The following MATN2 variants were observed in gnomAD, a reference collection of about 807,000 sequenced individuals.
The protein encoded by MATN2 is matrilin 2.
MATN2 carries 69 observed loss-of-function variants against 103.2 expected under a neutral mutation model. The ratio of observed to expected loss-of-function variants is 0.67; its 90% CI spans 0.55 to 0.82. MATN2 has a LOEUF of 0.82. Ranked by LOEUF, MATN2 falls within the 40% of genes least tolerant of loss-of-function variation. The probability of loss-of-function intolerance (pLI) is 0.00; values close to 1 mark genes in which losing one functional copy is unlikely to be tolerated. For missense variants in MATN2, 1,023 were observed against 1,211.5 expected (o/e 0.84, Z 2.31); for synonymous variants, 429 against 450.2 (o/e 0.95, Z 0.60).
chr8:97,960,504 C>T (rs1404365766), intron 4 of MATN2, among the ~76,000 whole-genome samples: 1 of 152,192 alleles, frequency 6.6e-6, no homozygotes, highest in Middle Eastern at 3.2e-3. Context: ...CAATTCCATT[C>T]CTACGTTGCA....
chr8:97,956,324 C>T (rs1811144118), intron 4 of MATN2, among the ~76,000 whole-genome samples: 1 of 152,106 alleles, frequency 6.6e-6, no homozygotes, highest in Non-Finnish European at 1.5e-5. Context: ...ATTACAGGCA[C>T]CTGCCACCAC....
At chr8:97,877,927 A>C (rs17828164) in intron 1 of MATN2, among the ~76,000 whole-genome samples, 48,540 of 152,032 alleles carry the variant, frequency 0.32, 8,964 homozygotes, top group Non-Finnish European at 0.42. Flanking sequence ...TGCTTTTAGC[A>C]TGCATAGCTT....
rs1812061453 is a variant in MATN2, at chr8:97,982,532, T to C, written c.1081+3524T>C. 6.6e-6 allele frequency among the ~76,000 whole-genome samples: 1 copy of C among 152,230 alleles called. No individual in the cohort carries two copies. The highest frequency in any genetic ancestry group is 1.5e-5 in the Non-Finnish European group (1 of 68,044). ...AACCAAAAGTATATTTGAAAGCGAA[T>C]ACAATTAGTAAGTGTGCAACTATTA... On this transcript the variant is annotated intron_variant, in intron 6 of 18. Coordinates refer to ENST00000254898, the MANE Select transcript of MATN2 (RefSeq NM_002380.5). The surrounding 1 kb of genome is among the most constrained non-coding windows in gnomAD (Gnocchi z 4.3).
chr8:97,874,729 T>G lies in MATN2; in HGVS notation c.-27+5442T>G, dbSNP rs188909246. Among the ~76,000 whole-genome samples, 317 of 151,918 alleles carry G rather than the reference T, an allele frequency of 2.1e-3. 3 individuals are homozygous for G. The highest frequency in any genetic ancestry group is 9.0e-3 in the South Asian group (43 of 4,796). On this transcript the variant is annotated intron_variant, in intron 1 of 18. Transcript: ENST00000254898. ...CATGCCCTGACCTCTTCTACTTTTTTTTTTTTGAGACAGAGTCTTGCTCTG... is the reference window on the plus strand; with the variant it reads ...CATGCCCTGACCTCTTCTACTTTTTGTTTTTTGAGACAGAGTCTTGCTCTG...
chr8:97,934,231 T>G (rs565026016), intron 3 of MATN2, among the ~76,000 whole-genome samples: 2 of 152,338 alleles, frequency 1.3e-5, no homozygotes, highest in East Asian at 3.9e-4. Flanking sequence ...TGACTCTAGT[T>G]GTACAATCTT....
At position 97,945,735 on chromosome 8, in the gene MATN2, T is replaced by TATATATAA. The variant is rs1412286321; in HGVS notation, c.835+3837_835+3838insTATATAAA. Among the ~76,000 whole-genome samples, 564 of 147,088 alleles carry TATATATAA rather than the reference T, an allele frequency of 3.8e-3. 9 individuals carry two copies. The highest frequency in any genetic ancestry group is 0.013 in the African/African-American group (522 of 39,932). ...AAAAAAAAATATATATATATATATA[T>TATATATAA]AATCTCCCCACCATTGTATATTTGT... On this transcript the variant is annotated intron_variant, in intron 4 of 18. Transcript: ENST00000254898.
chr8:98,035,702 G>A lies in MATN2; in HGVS notation c.2861G>A (p.Arg954Lys). Residue 954 changes from arginine (R) to lysine (K), a missense_variant, in exon 19 of 19, where the codon AGA (arginine) becomes AAA (lysine). By Grantham distance (26) the Arg-to-Lys change is conservative. Transcript: ENST00000254898. ...ATGGAAGCCCTGGAAAATCGCCTGA[G>A]ATACAGATGAAGATTAGAAATCGCG... Reference protein sequence around the residue: ...QRMEALENRLRYR With the variant: ...QRMEALENRLKYR 6.3e-7 allele frequency: 1 copy of A among 1,598,018 alleles called. No individual in the cohort carries two copies. The highest frequency in any genetic ancestry group is 8.5e-7 in the Non-Finnish European group (1 of 1,169,628).
chr8:97,936,957 G>C (rs1349318770), intron 3 of MATN2, among the ~76,000 whole-genome samples: 1 of 152,134 alleles, frequency 6.6e-6, no homozygotes, highest in African/African-American at 2.4e-5. Context: ...CTAAAAGGAG[G>C]GGGGAGTGCA....
intron 5 of MATN2, among the ~76,000 whole-genome samples, chr8:97,962,025 G>A (rs573194051): frequency 6.6e-6 from 1 of 152,260 alleles, no homozygotes; most frequent in East Asian, 1.9e-4. Context: ...GTAATTAGAC[G>A]GCGTGGTCAG....
chr8:98,016,209 C>T (rs1380652822), intron 10 of MATN2, among the ~76,000 whole-genome samples: 1 of 152,002 alleles, frequency 6.6e-6, no homozygotes, highest in Admixed American at 6.6e-5. Context: ...GGTGAAATCC[C>T]GTCTCCACAA....
intron 18 of MATN2, among the ~76,000 whole-genome samples, chr8:98,035,367 GAAAA>G (rs200092126): frequency 0.013 from 1,828 of 144,292 alleles, 25 homozygotes; most frequent in African/African-American, 0.042. Context: ...CAAAAAAAGA[GAAAA>G]AAAACAAAAA....
At chr8:98,021,058 A>G in intron 12 of MATN2, 147 bp from the exon 13 acceptor site, 1 of 686,148 alleles carries the variant, frequency 1.5e-6, no homozygotes, top group Non-Finnish European at 2.3e-6. Context: ...CCTGAGTATG[A>G]GACTGCAAAA....
chr8:97,925,200 A>G (rs1809952231), intron 2 of MATN2, among the ~76,000 whole-genome samples: 1 of 152,178 alleles, frequency 6.6e-6, no homozygotes, highest in Non-Finnish European at 1.5e-5. Flanking sequence ...GTCTTATTTG[A>G]ACACAGTTTG....
intron 5 of MATN2, 41 bp from the exon 6 acceptor site, chr8:97,978,845 T>A: frequency 6.2e-7 from 1 of 1,609,920 alleles, no homozygotes; most frequent in Non-Finnish European, 8.5e-7. Context: ...CCTTTTCCTC[T>A]GTTTGCATTT....
chr8:97,922,744 A>C (rs776526898), intron 2 of MATN2, among the ~76,000 whole-genome samples: 3 of 152,172 alleles, frequency 2.0e-5, no homozygotes, highest in Non-Finnish European at 4.4e-5. Context: ...CTCCTCTACC[A>C]AAAGGTAGTC....
intron 1 of MATN2, among the ~76,000 whole-genome samples, chr8:97,887,009 G>A (rs540617655): frequency 2.0e-5 from 3 of 151,036 alleles, no homozygotes; most frequent in South Asian, 2.1e-4. Context: ...CTTGTGCCTC[G>A]GCCTCCTAAG....
chr8:98,020,834 G>A (rs551176539), intron 12 of MATN2, among the ~76,000 whole-genome samples: 12 of 152,316 alleles, frequency 7.9e-5, no homozygotes, highest in Non-Finnish European at 1.6e-4. Flanking sequence ...GAGGGTTAAA[G>A]GGCTGTAAGT....
Position 98,033,163 on chromosome 8 carries a change from A to G in MATN2, c.2703A>G (p.Ser901=). 2 of 1,604,812 alleles carry G rather than the reference A, an allele frequency of 1.2e-6. No homozygotes were observed. The highest frequency in any genetic ancestry group is 1.7e-6 in the Non-Finnish European group (2 of 1,176,224). The stretch of plus-strand genomic sequence containing the variant: ...GGTCTACACAAAAGCTTTCCCATTC[A>G]ACAAAACCTTCAGGTAATTCCAAGT... ...LLRSTQKLSH[S]TKPSGSPLEE... is the part of the protein sequence containing the mutation. The change falls in exon 17 of 19, where the codon TCA becomes TCG. Residue 901 remains serine (S), a synonymous_variant. Transcript: ENST00000254898.
chr8:97,908,903 A>T (rs1426904091), intron 2 of MATN2, among the ~76,000 whole-genome samples: 1 of 152,058 alleles, frequency 6.6e-6, no homozygotes, highest in Non-Finnish European at 1.5e-5. Flanking sequence ...TGTTGGGATT[A>T]TAGGTGTAAG....
Sources: gnomAD v4.1 joint callset for allele counts (sites outside exome capture counted in the v4.1 genomes callset) on GRCh38, gnomAD v4.1.1 for gene constraint, Gnocchi (gnomAD v3.1) non-coding constraint, MANE v1.5 for transcripts, NCBI Gene and HGNC (gene_info 2026-07-23, HGNC 2026-07-21) for gene names.